SHPK: variants seen among roughly 807,000 people sequenced by gnomAD.
SHPK encodes sedoheptulokinase.
SHPK carries 51 observed loss-of-function variants against 46.3 expected under a neutral mutation model. The observed-to-expected ratio is 1.10, with a 90% CI of 0.88 to 1.39. The LOEUF is 1.39. Among genes scored for constraint, SHPK ranks in the 40% most tolerant of loss-of-function variants. SHPK has a pLI of 0.00. For synonymous variants in SHPK, 290 were observed against 273.9 expected (o/e 1.06, Z -0.58); for missense variants, 668 against 641.3 (o/e 1.04, Z -0.45).
intron 5 of SHPK, among the ~76,000 whole-genome samples, chr17:3,615,787 G>A (rs2075368508): frequency 6.6e-6 from 1 of 151,980 alleles, no homozygotes; most frequent in Non-Finnish European, 1.5e-5. Flanking sequence ...AGAGGGTGGG[G>A]TTTTAAAAAT....
intron 1 of SHPK, among the ~76,000 whole-genome samples, chr17:3,633,693 G>T (rs1481388633): frequency 6.6e-6 from 1 of 152,122 alleles, no homozygotes; most frequent in Non-Finnish European, 1.5e-5. Flanking sequence ...AAGTTTTCAA[G>T]AAGTGGCCGT....
At chr17:3,625,986 G>A (rs2075433532) in intron 2 of SHPK, among the ~76,000 whole-genome samples, 1 of 152,138 alleles carries the variant, frequency 6.6e-6, no homozygotes, top group Admixed American at 6.5e-5. Context: ...CCAGTAGGCG[G>A]AGGTTGCAGT....
rs374216418 is a variant in SHPK, at chr17:3,610,821, G to A, written c.1176C>T (p.Asp392=). ...LASVTRISSS[D]LSLGHVTRAL... ...CCCGGGTCACGTGCCCCAGGGAGAG[G>A]TCGGAGGAGGAGATTCTGGTCACTG... Residue 392 remains aspartate, a synonymous_variant, in exon 7 of 7, where the codon GAC becomes GAT. Transcript: ENST00000225519. 4 of 1,614,058 alleles carry A rather than the reference G, an allele frequency of 2.5e-6. No homozygotes were observed. Among genetic ancestry groups the A allele is most frequent in the African/African-American group, 1.3e-5 (1 of 74,936 alleles).
intron 1 of SHPK, 89 bp downstream of exon 1, chr17:3,635,963 C>G: frequency 7.8e-7 from 1 of 1,287,088 alleles, no homozygotes. Flanking sequence ...GACTTCATTG[C>G]GGGAAGGGCT....
chr17:3,621,109 C>A, intron 5 of SHPK, 128 bp downstream of exon 5: 1 of 799,934 alleles, frequency 1.3e-6, no homozygotes. Flanking sequence ...TTCATCTTTA[C>A]AGAATAATGA....
In SHPK at chr17:3,624,810, C is replaced by T. The variant is rs570523738; in HGVS notation, c.311-579G>A. On this transcript the variant is annotated intron_variant, in intron 2 of 6. Coordinates refer to ENST00000225519, the MANE Select transcript of SHPK (RefSeq NM_013276.4). ...CTGAGACTACAGGCCCACGCCACCA[C>T]GCCCAGCTAATTTTTTGGACTTTCA... Among the ~76,000 whole-genome samples the T allele has an allele frequency of 2.4e-4, 36 of 152,170 alleles. 1 individual carries two copies. The East Asian group carries it at 2.5e-3, about 11-fold the overall frequency.
chr17:3,627,118 G>A (rs573988832), intron 2 of SHPK, among the ~76,000 whole-genome samples: 3 of 152,012 alleles, frequency 2.0e-5, no homozygotes, highest in Non-Finnish European at 4.4e-5. Context: ...TCCTTCACCC[G>A]TTTTTCCACA....
intron 5 of SHPK, among the ~76,000 whole-genome samples, chr17:3,620,124 G>C (rs2075391226): frequency 6.6e-6 from 1 of 152,136 alleles, no homozygotes; most frequent in Non-Finnish European, 1.5e-5. Flanking sequence ...CAACAGAGAC[G>C]GCATGATCCG....
intron 6 of SHPK, among the ~76,000 whole-genome samples, chr17:3,611,801 T>C (rs548447538): frequency 4.7e-5 from 2 of 42,374 alleles, no homozygotes; most frequent in Admixed American, 2.0e-4. Context: ...TCTGCGGGTT[T>C]TTTTTTTTTT....
At chr17:3,635,189 A>AGAAGGAAG (rs2075503918) in intron 1 of SHPK, among the ~76,000 whole-genome samples, 1 of 16,422 alleles carries the variant, frequency 6.1e-5, no homozygotes, top group Non-Finnish European at 1.8e-4. Context: ...AAGAAAGGAA[A>AGAAGGAAG]GAATGAAGGA....
chr17:3,630,191 C>T lies in SHPK; in HGVS notation c.310+14G>A, dbSNP rs750490951. On this transcript the variant is annotated intron_variant, in intron 2 of 6. Transcript: ENST00000225519. Reference sequence around the variant, plus strand: ...ACTGCTACCAGCCTGAGAGCATCCCCGAGCCCAGCATACCTTGGCCTGTTT... The same window carrying T: ...ACTGCTACCAGCCTGAGAGCATCCCTGAGCCCAGCATACCTTGGCCTGTTT... 11 of 1,613,764 alleles carry T rather than the reference C, an allele frequency of 6.8e-6. No individual in the cohort carries two copies. Among genetic ancestry groups the T allele is most frequent in the African/African-American group, 2.7e-5 (2 of 74,912 alleles).
At chr17:3,629,045 T>G (rs2075454944) in intron 2 of SHPK, among the ~76,000 whole-genome samples, 1 of 152,170 alleles carries the variant, frequency 6.6e-6, no homozygotes, top group African/African-American at 2.4e-5. Context: ...AGTCTCTCAC[T>G]GAGCCACTGT....
At chr17:3,620,330 G>A (rs1441456895) in intron 5 of SHPK, among the ~76,000 whole-genome samples, 1 of 151,302 alleles carries the variant, frequency 6.6e-6, no homozygotes, top group Non-Finnish European at 1.5e-5. Flanking sequence ...GCACGATCTC[G>A]GCTCACTGCA....
chr17:3,628,184 C>A (rs1160467262), intron 2 of SHPK, among the ~76,000 whole-genome samples: 1 of 152,110 alleles, frequency 6.6e-6, no homozygotes, highest in Non-Finnish European at 1.5e-5. Context: ...ACTACAGCCC[C>A]CCAAAGTAGC....
intron 2 of SHPK, among the ~76,000 whole-genome samples, chr17:3,624,757 G>T (rs866512037): frequency 6.6e-6 from 1 of 152,024 alleles, no homozygotes. Context: ...AGGTTCAAGC[G>T]ATTCTCCTGC....
intron 6 of SHPK, among the ~76,000 whole-genome samples, chr17:3,613,541 G>T (rs534764571): frequency 6.6e-6 from 1 of 151,966 alleles, no homozygotes; most frequent in Non-Finnish European, 1.5e-5. Flanking sequence ...GCTAACTTTT[G>T]TATTTTTAGT....
Position 3,610,516 on chromosome 17 carries a change from T to C in SHPK, c.*44A>G, listed in dbSNP as rs1351044322. The C allele has an allele frequency of 6.5e-7, 1 of 1,540,944 alleles. No individual in the cohort carries two copies. The highest frequency in any genetic ancestry group is 1.4e-5 in the African/African-American group (1 of 73,800). ...CCACAGATGGTGTCAGGAATGTTAA[T>C]CAGGTAAAATTCACAGCAGTCGTTT... On this transcript the variant is annotated 3_prime_UTR_variant, in exon 7 of 7. Coordinates refer to ENST00000225519, the MANE Select transcript of SHPK (RefSeq NM_013276.4).
At chr17:3,621,558 C>CTTCCCTCT in intron 4 of SHPK, 146 bp from the exon 5 acceptor site, 1 of 656,616 alleles carries the variant, frequency 1.5e-6, no homozygotes, top group Non-Finnish European at 2.5e-6. Flanking sequence ...CTCTTTACTC[C>CTTCCCTCT]TTCCCTCTTT....
At chr17:3,616,795 A>G (rs2075373431) in intron 5 of SHPK, among the ~76,000 whole-genome samples, 3 of 152,114 alleles carry the variant, frequency 2.0e-5, no homozygotes, top group Admixed American at 1.3e-4. Flanking sequence ...CTGGAGTGCA[A>G]TGGCGCGATC....
Sources: allele counts gnomAD v4.1 joint callset (sites outside exome capture counted in the v4.1 genomes callset), GRCh38; gene constraint gnomAD v4.1.1; transcripts MANE v1.5; gene names NCBI Gene and HGNC (gene_info 2026-07-23, HGNC 2026-07-21).